The following SYT13 variants were observed in gnomAD, a reference collection of about 807,000 sequenced individuals.
The protein encoded by SYT13 is synaptotagmin-13.
SYT13 carries 21 observed loss-of-function variants against 38.6 expected under a neutral mutation model. The ratio of observed to expected loss-of-function variants is 0.54; its 90% CI spans 0.39 to 0.78. The LOEUF is 0.78. Among genes scored for constraint, SYT13 ranks in the 30% least tolerant of loss-of-function variants. The pLI is 0.00. For missense variants in SYT13, 495 were observed against 548.7 expected, an observed-to-expected ratio of 0.90 and a Z score of 0.98; for synonymous variants, 241 against 237.6, an observed-to-expected ratio of 1.01 and a Z score of -0.13.
At position 45,240,832 on chromosome 11, in the gene SYT13, C is replaced by G. The variant is rs1040876508; in HGVS notation, c.*3220G>C. The G allele has an allele frequency of 2.0e-5, 3 of 152,340 alleles. No individual in the cohort carries two copies. The highest frequency in any genetic ancestry group is 3.4e-3 in the Middle Eastern group (1 of 294). 9.4% of individuals were successfully genotyped at this position (152,340 alleles called of 1,614,324 possible). A position where few individuals can be genotyped will look rare whatever the true frequency, so the allele number is the denominator to read the frequency against. On this transcript the variant is annotated 3_prime_UTR_variant, in exon 6 of 6. Coordinates refer to ENST00000020926, the MANE Select transcript of SYT13 (RefSeq NM_020826.3). ...TCTCTCACCTTATTTTTACCTCTACCTCACACCCTTTTTAGAAATGCTCAC... is the reference window on the plus strand; with the variant it reads ...TCTCTCACCTTATTTTTACCTCTACGTCACACCCTTTTTAGAAATGCTCAC...
chr11:45,280,349 G>T (rs931237468), intron 1 of SYT13, among the ~76,000 whole-genome samples: 1 of 151,968 alleles, frequency 6.6e-6, no homozygotes, highest in Non-Finnish European at 1.5e-5. Context: ...AAACAGGGCC[G>T]AAGAAGCAAT....
At position 45,261,774 on chromosome 11, in the gene SYT13, G is replaced by A. The variant is rs116778967; in HGVS notation, c.184-5883C>T. Among the ~76,000 whole-genome samples the A allele has an allele frequency of 7.4e-3, 1,117 of 151,748 alleles. 15 individuals are homozygous for A. Among genetic ancestry groups the A allele is most frequent in the African/African-American group, 0.026 (1,065 of 41,336 alleles). ...CTACCAAAAATACAAAAATCAGCCC[G>A]GGCTTTGTGGTGCACACCTGTATCA... On this transcript the variant is annotated intron_variant, in intron 1 of 5. Transcript: ENST00000020926.
rs1854728197 is a variant in SYT13, at chr11:45,255,108, CCCATCTCAAAAAAAA to C, written c.409+543_409+557del. 2.0e-5 allele frequency among the ~76,000 whole-genome samples: 3 copies of C among 151,778 alleles called. No homozygotes were observed. In the South Asian group the frequency reaches 6.3e-4, roughly 32 times the overall value. On this transcript the variant is annotated intron_variant, in intron 2 of 5. Transcript: ENST00000020926. ...TCCAGCCTGGGAGACAGAGCAAGAC[CCCATCTCAAAAAAAA>C]TGTGCCTGGGACCTTATCTCAAAAA...
At chr11:45,269,280 C>T (rs1854920735) in intron 1 of SYT13, 2 of 402,656 alleles carry the variant, frequency 5.0e-6, no homozygotes, top group Non-Finnish European at 8.2e-6. Context: ...TTGCTGCAAT[C>T]CCAACATTTC....
intron 5 of SYT13, 148 bp downstream of exon 5, chr11:45,246,235 G>T: frequency 8.5e-7 from 1 of 1,178,732 alleles, no homozygotes; most frequent in Non-Finnish European, 1.2e-6. Flanking sequence ...AACTTAGGGT[G>T]AAGAACACCG....
At chr11:45,272,200 G>A (rs542286672) in intron 1 of SYT13, among the ~76,000 whole-genome samples, 1 of 152,264 alleles carries the variant, frequency 6.6e-6, no homozygotes, top group East Asian at 1.9e-4. Context: ...TGTCAGGGGT[G>A]GGGTGGTTGG....
chr11:45,277,377 A>C (rs1369609665), intron 1 of SYT13, among the ~76,000 whole-genome samples: 1 of 152,242 alleles, frequency 6.6e-6, no homozygotes, highest in Non-Finnish European at 1.5e-5. Context: ...ATGTCATGTG[A>C]ATTTCACCTG....
rs1360547242 is a variant in SYT13, at chr11:45,240,579, G to C, written c.*3473C>G. Reference sequence around the variant, plus strand: ...TAGCTGATTCTCTGTGCCCAGCTTTGTTTGGAGTGATTTGTCATTCAACCC... The same window carrying C: ...TAGCTGATTCTCTGTGCCCAGCTTTCTTTGGAGTGATTTGTCATTCAACCC... On this transcript the variant is annotated 3_prime_UTR_variant, in exon 6 of 6. Coordinates refer to ENST00000020926, the MANE Select transcript of SYT13 (RefSeq NM_020826.3). The C allele has an allele frequency of 2.0e-5, 3 of 152,186 alleles. No homozygotes were observed. The highest frequency in any genetic ancestry group is 4.4e-5 in the Non-Finnish European group (3 of 68,042). The allele number at this position is 152,186 out of a possible 1,614,324, so 9.4% of individuals were successfully genotyped here.
intron 3 of SYT13, among the ~76,000 whole-genome samples, chr11:45,253,440 G>T (rs1854703047): frequency 6.6e-6 from 1 of 152,192 alleles, no homozygotes; most frequent in Non-Finnish European, 1.5e-5. Context: ...AAATGCGCTA[G>T]TGTGAAGACC....
rs1565381479 is a variant in SYT13 at position 45,255,724 on chromosome 11, CG to C, written c.350del (p.Pro117ArgfsTer61). 1 of 1,614,058 alleles carries C rather than the reference CG, an allele frequency of 6.2e-7. No homozygotes were observed. Among genetic ancestry groups the C allele is most frequent in the East Asian group, 2.2e-5 (1 of 44,872 alleles). On this transcript the variant is annotated frameshift_variant, in exon 2 of 6. Transcript: ENST00000020926. LOFTEE classifies it high-confidence loss of function. ...EPTAPASPQP[P>X]NDSRLKRQVT... ...CCTGCCTCTTGAGGCGACTGTCATT[CG>C]GGGGTTGGGGGCTGGCAGGTGCAGT... is the stretch of plus-strand genomic sequence containing the variant.
At chr11:45,245,347 T>C (rs372664883) in intron 5 of SYT13, among the ~76,000 whole-genome samples, 2 of 152,246 alleles carry the variant, frequency 1.3e-5, no homozygotes, top group East Asian at 1.9e-4. Context: ...GTTAGTTTGT[T>C]ATTTCTACAG....
At chr11:45,254,674 T>A (rs957207144) in intron 2 of SYT13, 1 of 357,628 alleles carries the variant, frequency 2.8e-6, no homozygotes. Flanking sequence ...TGTTTTGTCT[T>A]TCTAAAACGC....
chr11:45,276,453 G>A (rs190739410), intron 1 of SYT13, among the ~76,000 whole-genome samples: 207 of 152,150 alleles, frequency 1.4e-3, no homozygotes, highest in Non-Finnish European at 2.2e-3. Context: ...ACTAGGGGAG[G>A]GATAGCATTA....
intron 1 of SYT13, among the ~76,000 whole-genome samples, chr11:45,258,747 G>T (rs182708669): frequency 6.6e-6 from 1 of 152,204 alleles, no homozygotes; most frequent in East Asian, 1.9e-4. Context: ...TTGAAAGAGA[G>T]GGGGATTTGG....
chr11:45,244,361 G>T lies in SYT13; in HGVS notation c.977-5C>A. ...AGGTCACCTTGACAGAGACATCTGG[G>T]GAGGGGCAGAGGGGAAAAAGAGACA... is the stretch of plus-strand genomic sequence containing the variant. On this transcript the variant is annotated splice_polypyrimidine_tract_variant and splice_region_variant and intron_variant, in intron 5 of 5. Coordinates refer to ENST00000020926, the MANE Select transcript of SYT13 (RefSeq NM_020826.3). The T allele has an allele frequency of 6.2e-7, 1 of 1,610,448 alleles. No individual in the cohort carries two copies. The highest frequency in any genetic ancestry group is 8.5e-7 in the Non-Finnish European group (1 of 1,177,688).
At chr11:45,250,514 A>G (rs1854659873) in intron 4 of SYT13, among the ~76,000 whole-genome samples, 2 of 152,214 alleles carry the variant, frequency 1.3e-5, no homozygotes, top group Admixed American at 6.5e-5. Context: ...TTGGGGCTGT[A>G]CCAAGTCTCA....
intron 1 of SYT13, among the ~76,000 whole-genome samples, chr11:45,276,588 TA>T (rs1012609667): frequency 2.6e-5 from 4 of 151,756 alleles, no homozygotes; most frequent in Non-Finnish European, 5.9e-5. Flanking sequence ...AAAATTTTTT[TA>T]AAAAAACTTG....
chr11:45,267,322 GA>G (rs1443053002), intron 1 of SYT13, among the ~76,000 whole-genome samples: 3 of 152,204 alleles, frequency 2.0e-5, no homozygotes. Context: ...CCCTAAGGCG[GA>G]TGCCCAGGAC....
Position 45,246,501 on chromosome 11 carries a change from T to C in SYT13, c.858A>G (p.Ala286=), listed in dbSNP as rs1276290222. The change falls in exon 5 of 6, where the codon GCA becomes GCG. Residue 286 remains alanine (A), a synonymous_variant. Coordinates refer to ENST00000020926, the MANE Select transcript of SYT13 (RefSeq NM_020826.3). ...ELKTSAKEPS[A]GAGEVLLSIS... ...TGGATAGTAGGACCTCTCCAGCTCCTGCAGATGGCTCCTGAAACAGAAAAG... is the reference window on the plus strand; with the variant it reads ...TGGATAGTAGGACCTCTCCAGCTCCCGCAGATGGCTCCTGAAACAGAAAAG... The C allele has an allele frequency of 2.2e-5, 36 of 1,613,944 alleles. No individual in the cohort carries two copies. The highest frequency in any genetic ancestry group is 2.8e-5 in the Non-Finnish European group (33 of 1,179,982).
Sources: allele counts gnomAD v4.1 joint callset (sites outside exome capture counted in the v4.1 genomes callset), GRCh38; gene constraint gnomAD v4.1.1; transcripts MANE v1.5; gene names NCBI Gene and HGNC (gene_info 2026-07-23, HGNC 2026-07-21).